PFKFB4: variants seen among roughly 807,000 people sequenced by gnomAD.
The protein encoded by PFKFB4 is 6-phosphofructo-2-kinase/fructose-2,6-bisphosphatase 4.
In PFKFB4, 42 loss-of-function variants were observed where a neutral mutation model predicts 62.8. That is an observed-to-expected ratio of 0.67 (90% CI 0.52 to 0.86). PFKFB4 has a LOEUF of 0.86. Ranked by LOEUF, PFKFB4 falls within the 40% of genes least tolerant of loss-of-function variation. The pLI, the probability that PFKFB4 is intolerant of heterozygous loss-of-function variation, is 0.00. For missense variants in PFKFB4, 475 were observed against 627.2 expected, an observed-to-expected ratio of 0.76 and a Z score of 2.59; for synonymous variants, 204 against 240.7, an observed-to-expected ratio of 0.85 and a Z score of 1.41.
chr3:48,520,253 T>C (rs2042056858), intron 13 of PFKFB4, among the ~76,000 whole-genome samples: 1 of 152,128 alleles, frequency 6.6e-6, no homozygotes, highest in South Asian at 2.1e-4. Flanking sequence ...TATGGGCATT[T>C]CCTGGTCTGC....
At chr3:48,555,077 G>C (rs986922574) in intron 1 of PFKFB4, among the ~76,000 whole-genome samples, 1 of 149,362 alleles carries the variant, frequency 6.7e-6, no homozygotes, top group Non-Finnish European at 1.5e-5. Flanking sequence ...AAAAAGTCCA[G>C]GTCCTCACTC....
chr3:48,539,299 G>C lies in PFKFB4; in HGVS notation c.465C>G (p.Val155=). The C allele has an allele frequency of 6.2e-7, 1 of 1,612,506 alleles. No individual in the cohort carries two copies. The highest frequency in any genetic ancestry group is 8.5e-7 in the Non-Finnish European group (1 of 1,179,322). The part of the protein sequence containing the change: ...GEQNGYKTFF[V]ESICVDPEVI... ...CCTCAGGATCCACACAGATGGACTC[G>C]ACAAAAAAGGTCTGCGGCAGGACCA... The change falls in exon 6 of 14, where the codon GTC becomes GTG. Residue 155 remains valine, a synonymous_variant. Coordinates refer to ENST00000232375, the MANE Select transcript of PFKFB4 (RefSeq NM_004567.4).
chr3:48,531,125 G>A (rs533173759), intron 9 of PFKFB4, among the ~76,000 whole-genome samples: 15 of 152,270 alleles, frequency 9.9e-5, no homozygotes, highest in African/African-American at 3.6e-4. Flanking sequence ...CCAGCACTTT[G>A]GGAGGCCAAG....
Position 48,519,624 on chromosome 3 carries a change from G to A in PFKFB4, c.*123C>T, listed in dbSNP as rs2042026841. ...GGGGTGGGGGCTCTGGGTTCCGCCA[G>A]CCATGTGTGGCTTCAAGAATATCCC... On this transcript the variant is annotated 3_prime_UTR_variant, in exon 14 of 14. Coordinates refer to ENST00000232375, the MANE Select transcript of PFKFB4 (RefSeq NM_004567.4). 1.3e-6 allele frequency: 1 copy of A among 780,672 alleles called. No homozygotes were observed. The highest frequency in any genetic ancestry group is 2.0e-5 in the Admixed American group (1 of 48,810). 48.4% of individuals were successfully genotyped at this position (780,672 alleles called of 1,614,324 possible).
At chr3:48,532,432 T>A (rs1361610955) in intron 9 of PFKFB4, among the ~76,000 whole-genome samples, 1 of 152,240 alleles carries the variant, frequency 6.6e-6, no homozygotes, top group Non-Finnish European at 1.5e-5. Context: ...GACATTTGTA[T>A]CCATGTTCAC....
chr3:48,519,846 A>G, intron 13 of PFKFB4, 40 bp from the exon 14 acceptor site: 1 of 1,500,880 alleles, frequency 6.7e-7, no homozygotes, highest in Non-Finnish European at 9.3e-7. Flanking sequence ...CCATGGCAGG[A>G]ATAGATGAGA....
chr3:48,561,269 A>C, upstream of PFKFB4: 1 of 300,796 alleles, frequency 3.3e-6, no homozygotes, highest in Non-Finnish European at 6.4e-6. This position sits in a 1 kb window ranked among gnomAD's most constrained non-coding sequence, Gnocchi z 5.2. Flanking sequence ...GCTGCTTACA[A>C]CTGTGAGGGC....
chr3:48,523,504 T>C, intron 12 of PFKFB4, 33 bp downstream of exon 12: 1 of 1,597,926 alleles, frequency 6.3e-7, no homozygotes, highest in Non-Finnish European at 8.6e-7. Context: ...AGGTCATGGC[T>C]ACCCATGGTC....
chr3:48,538,691 TGCTGG>T, intron 6 of PFKFB4, 72 bp from the exon 7 acceptor site: 1 of 1,599,220 alleles, frequency 6.3e-7, no homozygotes, highest in Non-Finnish European at 8.5e-7. Flanking sequence ...CCAAGGAGAC[TGCTGG>T]GCAGGGGGCT....
At chr3:48,548,843 C>T (rs1050505453) in intron 3 of PFKFB4, among the ~76,000 whole-genome samples, 10 of 152,192 alleles carry the variant, frequency 6.6e-5, no homozygotes. Context: ...ACAGCCTGGC[C>T]CAGCCACACC....
intron 3 of PFKFB4, among the ~76,000 whole-genome samples, chr3:48,545,346 G>A (rs1291497425): frequency 1.3e-5 from 2 of 152,042 alleles, no homozygotes; most frequent in African/African-American, 4.8e-5. Context: ...TTGGCCATGT[G>A]GGTCTTGAAC....
Position 48,521,973 on chromosome 3 carries a change from A to C in PFKFB4, c.1350+13T>G. The C allele has an allele frequency of 6.2e-7, 1 of 1,609,144 alleles. No individual in the cohort carries two copies. Among genetic ancestry groups the C allele is most frequent in the Non-Finnish European group, 8.5e-7 (1 of 1,175,578 alleles). On this transcript the variant is annotated intron_variant, in intron 13 of 13. Transcript: ENST00000232375. The surrounding 1 kb of genome is among the most constrained non-coding windows in gnomAD (Gnocchi z 5.3). ...GGAACACCCCGCTACCCCAGCAGTGACCCCATTGCTACCTGAGGCCTGTCC... is the reference window on the plus strand; with the variant it reads ...GGAACACCCCGCTACCCCAGCAGTGCCCCCATTGCTACCTGAGGCCTGTCC...
chr3:48,557,765 G>A (rs1329774187), upstream of PFKFB4, among the ~76,000 whole-genome samples: 2 of 152,132 alleles, frequency 1.3e-5, no homozygotes, highest in Non-Finnish European at 2.9e-5. Flanking sequence ...TCGAACTCCT[G>A]ACCTCAGGTG....
chr3:48,534,222 C>A (rs1376137676), intron 9 of PFKFB4, among the ~76,000 whole-genome samples: 4 of 152,056 alleles, frequency 2.6e-5, no homozygotes, highest in African/African-American at 7.2e-5. Context: ...AATTAAAAAA[C>A]CAGAAGTTCA....
At chr3:48,525,480 T>C (rs934762617) in intron 10 of PFKFB4, 85 bp downstream of exon 10, 26 of 672,282 alleles carry the variant, frequency 3.9e-5, no homozygotes, top group Middle Eastern at 4.0e-4. Context: ...ACGCAGCCCC[T>C]GCAGAGCCCC....
At chr3:48,554,515 C>T (rs1015836436) in intron 1 of PFKFB4, among the ~76,000 whole-genome samples, 4 of 152,314 alleles carry the variant, frequency 2.6e-5, no homozygotes, top group African/African-American at 9.6e-5. Context: ...CGTGATGGCA[C>T]GAGCCCCTCA....
intron 9 of PFKFB4, among the ~76,000 whole-genome samples, chr3:48,528,429 AG>A (rs1438325869): frequency 6.6e-6 from 1 of 152,222 alleles, no homozygotes; most frequent in African/African-American, 2.4e-5. Flanking sequence ...TGGGAGGCCA[AG>A]GCAGGTAGAT....
At chr3:48,542,171 A>G (rs2042820399) in intron 4 of PFKFB4, among the ~76,000 whole-genome samples, 1 of 151,656 alleles carries the variant, frequency 6.6e-6, no homozygotes, top group South Asian at 2.1e-4. Flanking sequence ...CATCTCTACT[A>G]AAAATACAAA....
At chr3:48,562,563 T>C, upstream of PFKFB4, 1 of 566,158 alleles carries the variant, frequency 1.8e-6, no homozygotes, top group Non-Finnish European at 3.1e-6. This position sits in a 1 kb window ranked among gnomAD's most constrained non-coding sequence, Gnocchi z 4.3. Context: ...CAATGTCCAA[T>C]GTCCAGGCTG....
Sources: gnomAD v4.1 joint callset for allele counts (sites outside exome capture counted in the v4.1 genomes callset) on GRCh38, gnomAD v4.1.1 for gene constraint, Gnocchi (gnomAD v3.1) non-coding constraint, MANE v1.5 for transcripts, NCBI Gene and HGNC (gene_info 2026-07-23, HGNC 2026-07-21) for gene names.